Variants in ARHGAP31 observed in about 807,000 individuals in gnomAD.
ARHGAP31 encodes the protein Rho GTPase activating protein 31.
In ARHGAP31, 34 loss-of-function variants were observed where a neutral mutation model predicts 113.9. The observed-to-expected ratio is 0.30, with a 90% CI of 0.23 to 0.40. The LOEUF (loss-of-function observed/expected upper bound fraction) is 0.40. Among genes scored for constraint, ARHGAP31 ranks in the 10% least tolerant of loss-of-function variants. ARHGAP31 has a pLI of 1.00. For synonymous variants in ARHGAP31, 650 were observed against 684.8 expected (o/e 0.95, Z 0.79); for missense variants, 1,548 against 1,767.1 (o/e 0.88, Z 2.22).
chr3:119,368,278 G>T (rs950050262), intron 2 of ARHGAP31, 94 bp from the exon 3 acceptor site: 3 of 1,504,694 alleles, frequency 2.0e-6, no homozygotes, highest in Non-Finnish European at 2.8e-6. Flanking sequence ...AGAATCAGCA[G>T]TTTAGGGTCT....
At chr3:119,383,000 TG>T in intron 5 of ARHGAP31, 83 bp from the exon 6 acceptor site, 1 of 1,512,828 alleles carries the variant, frequency 6.6e-7, no homozygotes. Context: ...AGATGAGCCT[TG>T]TGCAAAAGGC....
intron 5 of ARHGAP31, among the ~76,000 whole-genome samples, 186 bp downstream of exon 5, chr3:119,382,585 C>G (rs994650373): frequency 6.6e-6 from 1 of 152,242 alleles, no homozygotes; most frequent in African/African-American, 2.4e-5. Flanking sequence ...TGCCTGCTAA[C>G]TTGGAAACTC....
chr3:119,349,720 C>T (rs561606274), intron 1 of ARHGAP31, among the ~76,000 whole-genome samples: 13 of 152,260 alleles, frequency 8.5e-5, no homozygotes, highest in South Asian at 8.3e-4. Context: ...CCCCATGAGC[C>T]GCTCCCAAAT....
At chr3:119,362,959 T>C (rs1018764100) in intron 1 of ARHGAP31, among the ~76,000 whole-genome samples, 9 of 152,302 alleles carry the variant, frequency 5.9e-5, no homozygotes, top group African/African-American at 2.2e-4. Flanking sequence ...ATGCTTCTTA[T>C]ATGCCAGGGT....
chr3:119,387,667 T>C (rs933620945), intron 6 of ARHGAP31, among the ~76,000 whole-genome samples: 6 of 152,192 alleles, frequency 3.9e-5, no homozygotes, highest in African/African-American at 1.4e-4. Context: ...AAAGAGATTG[T>C]GATATCTCTA....
intron 1 of ARHGAP31, among the ~76,000 whole-genome samples, chr3:119,319,277 A>T (rs2079761841): frequency 6.6e-6 from 1 of 150,618 alleles, no homozygotes; most frequent in African/African-American, 2.4e-5. Flanking sequence ...CTTTTTAGGG[A>T]TGGGTCAGAA....
rs200377275 is a variant in ARHGAP31 at position 119,415,740 on chromosome 3, A to C, written c.3811A>C (p.Lys1271Gln). ...ACCAAAGCAAGATCCCGGAGCCATTAAGTCCTCACCAGTGGATGCCACTGC... is the reference window on the plus strand; with the variant it reads ...ACCAAAGCAAGATCCCGGAGCCATTCAGTCCTCACCAGTGGATGCCACTGC... The part of the protein sequence containing the change: ...EKPKQDPGAI[K>Q]SSPVDATAPC... The change falls in exon 12 of 12, where the codon AAG becomes CAG. Residue 1271 changes from lysine (K) to glutamine (Q), a missense_variant. Transcript: ENST00000264245. 6.2e-7 allele frequency: 1 copy of C among 1,614,056 alleles called. No homozygotes were observed. The highest frequency in any genetic ancestry group is 8.5e-7 in the Non-Finnish European group (1 of 1,180,026).
At chr3:119,387,702 A>T (rs1448680060) in intron 6 of ARHGAP31, among the ~76,000 whole-genome samples, 1 of 152,220 alleles carries the variant, frequency 6.6e-6, no homozygotes, top group African/African-American at 2.4e-5. Context: ...ATAAATGTGT[A>T]TTGAATATCT....
At chr3:119,386,357 A>G (rs1048150618) in intron 6 of ARHGAP31, among the ~76,000 whole-genome samples, 12 of 152,198 alleles carry the variant, frequency 7.9e-5, no homozygotes, top group African/African-American at 2.9e-4. Context: ...GGGCCGGTAG[A>G]TTCAGTGTCT....
At chr3:119,337,085 G>A (rs1012099981) in intron 1 of ARHGAP31, among the ~76,000 whole-genome samples, 2 of 152,056 alleles carry the variant, frequency 1.3e-5, no homozygotes, top group African/African-American at 4.8e-5. Flanking sequence ...CCACTTTTTG[G>A]CTGTTGTGAA....
chr3:119,323,029 A>T (rs908610441), intron 1 of ARHGAP31, among the ~76,000 whole-genome samples: 32 of 152,140 alleles, frequency 2.1e-4, no homozygotes, highest in African/African-American at 6.3e-4. Flanking sequence ...CAGCTTCAGC[A>T]ACGTCAAGGC....
In ARHGAP31 at chr3:119,417,780, T is replaced by A. The variant is rs951392869; in HGVS notation, c.*1516T>A. ...CTGGCGAGAGAAAGGAGAACTAATA[T>A]ACCTGCTGGCAGATTTTTGGTGCTG... On this transcript the variant is annotated 3_prime_UTR_variant, in exon 12 of 12. Coordinates refer to ENST00000264245, the MANE Select transcript of ARHGAP31 (RefSeq NM_020754.4). 1 of 152,176 alleles carries A rather than the reference T, an allele frequency of 6.6e-6. No individual in the cohort carries two copies. The highest frequency in any genetic ancestry group is 1.5e-5 in the Non-Finnish European group (1 of 68,046). The allele number at this position is 152,176 out of a possible 1,614,324, so 9.4% of individuals were successfully genotyped here. A position where few individuals can be genotyped will look rare whatever the true frequency, so the allele number is the denominator to read the frequency against.
intron 10 of ARHGAP31, among the ~76,000 whole-genome samples, chr3:119,406,618 C>T (rs1240036405): frequency 6.6e-6 from 1 of 152,202 alleles, no homozygotes; most frequent in African/African-American, 2.4e-5. Flanking sequence ...CTGTCGGGGA[C>T]AGTTTCTGTG....
At chr3:119,366,052 T>C (rs915380557) in intron 2 of ARHGAP31, among the ~76,000 whole-genome samples, 1 of 152,128 alleles carries the variant, frequency 6.6e-6, no homozygotes, top group East Asian at 1.9e-4. Context: ...GGGCAAAACA[T>C]TTTATACAAA....
rs552619696 is a variant in ARHGAP31, at chr3:119,362,606, A to G, written c.101-2710A>G. Among the ~76,000 whole-genome samples the G allele has an allele frequency of 3.3e-5, 5 of 152,212 alleles. No individual in the cohort carries two copies. In the South Asian group the frequency reaches 6.2e-4, roughly 19 times the overall value. On this transcript the variant is annotated intron_variant, in intron 1 of 11. Coordinates refer to ENST00000264245, the MANE Select transcript of ARHGAP31 (RefSeq NM_020754.4). ...AACATAGTGAAACCTTACCTCTATG[A>G]AAAATACAAAAATTAGCTGGGCATG... is the stretch of plus-strand genomic sequence containing the variant.
chr3:119,383,219 G>A lies in ARHGAP31; in HGVS notation c.675G>A (p.Glu225=). ...IFNNGAPGSL[E]NDENRPIMKS... ...ACAACGGTGCACCTGGGTCTCTGGA[G>A]AATGATGGTAAGGACTCCTCCTAGC... is the stretch of plus-strand genomic sequence containing the variant. The change falls in exon 6 of 12, where the codon GAG becomes GAA. Residue 225 remains glutamate (E), a synonymous_variant. Transcript: ENST00000264245. 1 of 1,614,170 alleles carries A rather than the reference G, an allele frequency of 6.2e-7. No individual in the cohort carries two copies. Among genetic ancestry groups the A allele is most frequent in the Non-Finnish European group, 8.5e-7 (1 of 1,180,024 alleles).
At position 119,414,157 on chromosome 3, in the gene ARHGAP31, A is replaced by G. The variant is rs760020340; in HGVS notation, c.2228A>G (p.Gln743Arg). The change falls in exon 12 of 12, where the codon CAG becomes CGG. Residue 743 changes from glutamine (Q) to arginine (R), a missense_variant. By Grantham distance (43) the Gln-to-Arg change is conservative. Transcript: ENST00000264245. Reference sequence around the variant, plus strand: ...AGCAGAGAGAAGCCGGAACCTGAGCAGGGCCTGCACCCAGACCTCGCCAGC... The same window carrying G: ...AGCAGAGAGAAGCCGGAACCTGAGCGGGGCCTGCACCCAGACCTCGCCAGC... ...AASREKPEPEQGLHPDLASLA... is the reference protein window; with the variant it reads ...AASREKPEPERGLHPDLASLA... 3.7e-6 allele frequency: 6 copies of G among 1,614,172 alleles called. No homozygotes were observed. Among genetic ancestry groups the G allele is most frequent in the African/African-American group, 2.7e-5 (2 of 75,052 alleles).
At chr3:119,331,824 C>G (rs2079894083) in intron 1 of ARHGAP31, among the ~76,000 whole-genome samples, 1 of 152,176 alleles carries the variant, frequency 6.6e-6, no homozygotes, top group Non-Finnish European at 1.5e-5. Context: ...CTAATCCCAG[C>G]CCAACCCAGT....
At chr3:119,318,309 G>A (rs904273374) in intron 1 of ARHGAP31, among the ~76,000 whole-genome samples, 1 of 152,128 alleles carries the variant, frequency 6.6e-6, no homozygotes, top group Non-Finnish European at 1.5e-5. Context: ...TCAAATGCTA[G>A]GTCTAATGGT....
Sources: allele counts gnomAD v4.1 joint callset (sites outside exome capture counted in the v4.1 genomes callset), GRCh38; gene constraint gnomAD v4.1.1; transcripts MANE v1.5; gene names NCBI Gene and HGNC (gene_info 2026-07-23, HGNC 2026-07-21).